Variants in ASTN2 observed in about 807,000 individuals in gnomAD.
ASTN2 encodes astrotactin 2, also known as astrotactin-2.
In ASTN2, 54 loss-of-function variants were observed where a neutral mutation model predicts 139.8. The ratio of observed to expected loss-of-function variants is 0.39; its 90% CI spans 0.31 to 0.48. The LOEUF (loss-of-function observed/expected upper bound fraction) is 0.48, where lower values mean the gene tolerates loss of function less well. Among genes scored for constraint, ASTN2 ranks in the 20% least tolerant of loss-of-function variants. The probability of loss-of-function intolerance (pLI) is 0.95; values close to 1 mark genes in which losing one functional copy is unlikely to be tolerated. For missense variants in ASTN2, 1,565 were observed against 1,725.1 expected (o/e 0.91, Z 1.64); for synonymous variants, 756 against 719.5 (o/e 1.05, Z -0.81).
chr9:117,141,088 A>C (rs1830063822), intron 4 of ASTN2, among the ~76,000 whole-genome samples: 1 of 152,126 alleles, frequency 6.6e-6, no homozygotes, highest in Non-Finnish European at 1.5e-5. Context: ...AATCTCAATC[A>C]CTGTAAAATT....
rs186127269 is a variant in ASTN2, at chr9:117,180,595, G to A, written c.1015+33763C>T. ...ATTTATTGACTGCTTACTATGCACC[G>A]AGCACCATTCTAAACAACTGATCTG... On this transcript the variant is annotated intron_variant, in intron 3 of 22. Coordinates refer to ENST00000313400, the MANE Select transcript of ASTN2 (RefSeq NM_001365068.1). The A allele has an allele frequency of 3.2e-4, 322 of 1,004,132 alleles. 3 individuals carry two copies. In the East Asian group the frequency reaches 4.3e-3, roughly 13 times the overall value. The allele number at this position is 1,004,132 out of a possible 1,614,324, so 62.2% of individuals were successfully genotyped here. A position where few individuals can be genotyped will look rare whatever the true frequency, so the allele number is the denominator to read the frequency against.
In ASTN2 at chr9:117,046,520, C is replaced by T. The variant is rs922525931; in HGVS notation, c.1277-6555G>A. Among the ~76,000 whole-genome samples the T allele has an allele frequency of 6.6e-5, 10 of 152,122 alleles. No individual in the cohort carries two copies. In the South Asian group the frequency reaches 1.0e-3, roughly 16 times the overall value. On this transcript the variant is annotated intron_variant, in intron 5 of 22. Transcript: ENST00000313400. The stretch of plus-strand genomic sequence containing the variant: ...TGACATATACTTAGGGCTCTGTAAG[C>T]TCTCAATATATTTCCTTCCATCTCA...
At chr9:117,312,081 G>T (rs1244879566) in intron 1 of ASTN2, among the ~76,000 whole-genome samples, 1 of 152,050 alleles carries the variant, frequency 6.6e-6, no homozygotes, top group Non-Finnish European at 1.5e-5. Context: ...ATCAAAGGAG[G>T]TACCCCATAT....
At chr9:116,998,549 T>TCATTCATTCATCCATC (rs1554767975) in intron 7 of ASTN2, among the ~76,000 whole-genome samples, 1 of 150,560 alleles carries the variant, frequency 6.6e-6, no homozygotes. Context: ...AATTTGATTT[T>TCATTCATTCATCCATC]CATCCATCCA....
chr9:116,562,757 A>C (rs1219893612), intron 19 of ASTN2, among the ~76,000 whole-genome samples: 1 of 126,288 alleles, frequency 7.9e-6, no homozygotes, highest in Non-Finnish European at 1.7e-5. Flanking sequence ...AAAAAAAAAA[A>C]GAATGCTTCT....
At chr9:116,452,026 A>G (rs2118924524) in intron 20 of ASTN2, among the ~76,000 whole-genome samples, 1 of 152,278 alleles carries the variant, frequency 6.6e-6, no homozygotes, top group Non-Finnish European at 1.5e-5. Flanking sequence ...GGTGTGGACT[A>G]AATGATAACA....
At chr9:117,231,508 A>G (rs1017394850) in intron 2 of ASTN2, among the ~76,000 whole-genome samples, 3 of 152,228 alleles carry the variant, frequency 2.0e-5, no homozygotes, top group African/African-American at 7.2e-5. Context: ...ATCTGATATA[A>G]TTGTAAAAAT....
At chr9:117,022,057 C>T (rs982009672) in intron 6 of ASTN2, among the ~76,000 whole-genome samples, 1 of 152,094 alleles carries the variant, frequency 6.6e-6, no homozygotes, top group African/African-American at 2.4e-5. Flanking sequence ...TTCTGTGACT[C>T]ATTTCTACTT....
chr9:116,970,374 C>T (rs570116810), intron 10 of ASTN2, among the ~76,000 whole-genome samples: 3 of 152,138 alleles, frequency 2.0e-5, no homozygotes, highest in Non-Finnish European at 4.4e-5. Flanking sequence ...CTTTGAAAAC[C>T]AGTGAGCTAG....
chr9:116,961,011 T>G (rs1277726541), intron 10 of ASTN2, among the ~76,000 whole-genome samples: 1 of 62,692 alleles, frequency 1.6e-5, no homozygotes, highest in Non-Finnish European at 3.2e-5. Flanking sequence ...GGCTGAAAGA[T>G]GCTGTAAGAG....
Position 116,904,893 on chromosome 9 carries a change from CTA to C in ASTN2, c.1890-41162_1890-41161del, listed in dbSNP as rs147487972. Among the ~76,000 whole-genome samples, 363 of 152,278 alleles carry C rather than the reference CTA, an allele frequency of 2.4e-3. 2 individuals carry two copies. Among genetic ancestry groups the C allele is most frequent in the African/African-American group, 8.3e-3 (343 of 41,572 alleles). On this transcript the variant is annotated intron_variant, in intron 10 of 22. Transcript: ENST00000313400. ...TTCATTTGGTGGTAACGTTACAGCTCTATGTTTGCAGCCATTTGTGACTATGA... is the reference window on the plus strand; with the variant it reads ...TTCATTTGGTGGTAACGTTACAGCTCTGTTTGCAGCCATTTGTGACTATGA...
intron 1 of ASTN2, among the ~76,000 whole-genome samples, chr9:117,386,265 A>T (rs984954914): frequency 2.0e-5 from 3 of 152,186 alleles, no homozygotes; most frequent in African/African-American, 7.2e-5. Context: ...CTATATCTTT[A>T]TGAGGACCAC....
chr9:116,866,955 G>C (rs776993207), intron 10 of ASTN2, among the ~76,000 whole-genome samples: 23 of 150,968 alleles, frequency 1.5e-4, no homozygotes, highest in Non-Finnish European at 2.8e-4. Flanking sequence ...GAGATAAACA[G>C]GTAGAGAAAC....
At chr9:117,187,348 G>A (rs1039777041) in intron 3 of ASTN2, among the ~76,000 whole-genome samples, 7 of 152,074 alleles carry the variant, frequency 4.6e-5, no homozygotes, top group African/African-American at 1.2e-4. Flanking sequence ...GAGATGCAAA[G>A]GCCCTGAGAT....
intron 1 of ASTN2, among the ~76,000 whole-genome samples, chr9:117,353,846 A>G (rs1587974952): frequency 6.6e-6 from 1 of 152,232 alleles, no homozygotes; most frequent in East Asian, 1.9e-4. Flanking sequence ...CATTCTGGAA[A>G]AAAGAAAACC....
At chr9:116,974,506 CTTTTT>C (rs3038410) in intron 10 of ASTN2, among the ~76,000 whole-genome samples, 1 of 110,918 alleles carries the variant, frequency 9.0e-6, no homozygotes, top group Non-Finnish European at 1.8e-5. Context: ...TTAGCCTGGA[CTTTTT>C]TTTTTTTTTT....
chr9:116,886,060 G>T (rs1042157684), intron 10 of ASTN2, among the ~76,000 whole-genome samples: 3 of 152,240 alleles, frequency 2.0e-5, no homozygotes, highest in Non-Finnish European at 4.4e-5. Context: ...TGATCCTCTT[G>T]CCTCTACTTC....
At chr9:117,070,077 G>A (rs879128652) in intron 5 of ASTN2, among the ~76,000 whole-genome samples, 10 of 148,310 alleles carry the variant, frequency 6.7e-5, no homozygotes, top group Admixed American at 2.7e-4. Flanking sequence ...GATTTTGCTC[G>A]TTAGTTGATG....
intron 15 of ASTN2, among the ~76,000 whole-genome samples, chr9:116,727,870 G>A (rs1828673114): frequency 1.3e-5 from 2 of 152,120 alleles, no homozygotes; most frequent in African/African-American, 4.8e-5. Context: ...CATAAGAAAT[G>A]AACTATTATA....
Sources: allele counts gnomAD v4.1 joint callset (sites outside exome capture counted in the v4.1 genomes callset), GRCh38; gene constraint gnomAD v4.1.1; transcripts MANE v1.5; gene names NCBI Gene and HGNC (gene_info 2026-07-23, HGNC 2026-07-21).